Variants in MAP4K3 observed in about 807,000 individuals in gnomAD.
MAP4K3 encodes the protein MAPK/ERK kinase kinase kinase 3.
A neutral mutation model predicts 143.5 loss-of-function variants in MAP4K3; 94 were observed. That is an observed-to-expected ratio of 0.65 (90% CI 0.55 to 0.78). The LOEUF (loss-of-function observed/expected upper bound fraction) is 0.78. Among genes scored for constraint, MAP4K3 ranks in the 30% least tolerant of loss-of-function variants. The probability of loss-of-function intolerance (pLI) is 0.00; values close to 1 mark genes in which losing one functional copy is unlikely to be tolerated. For missense variants in MAP4K3, 1,077 were observed against 1,068.1 expected (o/e 1.01, Z -0.12); for synonymous variants, 416 against 347.2 (o/e 1.20, Z -2.20).
intron 1 of MAP4K3, among the ~76,000 whole-genome samples, chr2:39,428,483 G>C (rs535875354): frequency 2.6e-5 from 4 of 151,954 alleles, no homozygotes; most frequent in Non-Finnish European, 5.9e-5. Flanking sequence ...GACCAGCCTG[G>C]CCAACATGGC....
chr2:39,426,575 A>G (rs1665094063), intron 1 of MAP4K3, among the ~76,000 whole-genome samples: 1 of 152,112 alleles, frequency 6.6e-6, no homozygotes, highest in African/African-American at 2.4e-5. Flanking sequence ...GTTCAGAAAA[A>G]AAAAATATGT....
intron 28 of MAP4K3, among the ~76,000 whole-genome samples, chr2:39,262,914 A>C (rs928078872): frequency 6.6e-6 from 1 of 152,008 alleles, no homozygotes; most frequent in Non-Finnish European, 1.5e-5. Context: ...AGACCAGCCT[A>C]GCCAAGATGG....
chr2:39,373,562 G>C (rs562251049), intron 2 of MAP4K3, among the ~76,000 whole-genome samples: 9 of 152,122 alleles, frequency 5.9e-5, no homozygotes, highest in Non-Finnish European at 1.3e-4. Context: ...GATGAATGAA[G>C]AAAGAAATGT....
At chr2:39,395,386 C>A (rs1419811494) in intron 1 of MAP4K3, among the ~76,000 whole-genome samples, 1 of 151,824 alleles carries the variant, frequency 6.6e-6, no homozygotes, top group African/African-American at 2.4e-5. Flanking sequence ...TTTATTCAGG[C>A]TACACAGCAA....
chr2:39,287,416 G>A (rs547928930), intron 20 of MAP4K3, among the ~76,000 whole-genome samples: 4 of 151,620 alleles, frequency 2.6e-5, no homozygotes, highest in African/African-American at 7.2e-5. Flanking sequence ...TCCTGCCTTA[G>A]TCTCCCAAGT....
intron 1 of MAP4K3, among the ~76,000 whole-genome samples, chr2:39,405,687 T>C (rs1347145366): frequency 1.3e-5 from 2 of 151,998 alleles, no homozygotes; most frequent in Non-Finnish European, 1.5e-5. Flanking sequence ...GGGCAACGTG[T>C]TGAAATGCCG....
intron 24 of MAP4K3, among the ~76,000 whole-genome samples, chr2:39,273,019 G>C (rs1005308084): frequency 2.0e-5 from 3 of 151,868 alleles, no homozygotes; most frequent in African/African-American, 7.3e-5. Flanking sequence ...GGAAAAAAAA[G>C]GCTGAGATAG....
chr2:39,272,081 G>A, intron 26 of MAP4K3: 2 of 407,938 alleles, frequency 4.9e-6, no homozygotes, highest in Non-Finnish European at 4.3e-6. Context: ...GAGAGAAAAT[G>A]TCTGATATAA....
intron 2 of MAP4K3, among the ~76,000 whole-genome samples, chr2:39,368,625 C>T (rs993151973): frequency 1.3e-5 from 2 of 151,640 alleles, no homozygotes; most frequent in Non-Finnish European, 1.5e-5. Context: ...GCTATGATCA[C>T]ATCACTATAC....
chr2:39,376,078 T>C (rs538029223), intron 2 of MAP4K3, among the ~76,000 whole-genome samples: 121 of 152,362 alleles, frequency 7.9e-4, no homozygotes, highest in Non-Finnish European at 4.9e-4. Context: ...AAGAGTAGAA[T>C]TGCTGGGTCA....
chr2:39,399,544 C>T (rs548833149), intron 1 of MAP4K3, among the ~76,000 whole-genome samples: 1 of 152,316 alleles, frequency 6.6e-6, no homozygotes, highest in East Asian at 1.9e-4. Flanking sequence ...AGACAAAAGT[C>T]TACATGTAGC....
intron 1 of MAP4K3, among the ~76,000 whole-genome samples, chr2:39,401,885 T>C (rs1666963704): frequency 6.6e-6 from 1 of 152,062 alleles, no homozygotes; most frequent in Admixed American, 6.6e-5. Flanking sequence ...CTAACAGGAA[T>C]ACAAAAATAT....
intron 1 of MAP4K3, among the ~76,000 whole-genome samples, chr2:39,435,818 A>C (rs1665447847): frequency 6.6e-6 from 1 of 152,212 alleles, no homozygotes. Flanking sequence ...ACGATGGTGA[A>C]AAGTAGATCA....
At chr2:39,324,435 C>A (rs1043192038) in intron 12 of MAP4K3, among the ~76,000 whole-genome samples, 5 of 151,618 alleles carry the variant, frequency 3.3e-5, no homozygotes, top group African/African-American at 9.7e-5. Context: ...ACAAAAAAAA[C>A]TTCTTCAGAG....
chr2:39,356,658 T>G (rs1003947202), intron 2 of MAP4K3, among the ~76,000 whole-genome samples: 12 of 152,156 alleles, frequency 7.9e-5, no homozygotes, highest in African/African-American at 2.9e-4. Flanking sequence ...CCATCCTCAG[T>G]AAAATAATAA....
intron 2 of MAP4K3, among the ~76,000 whole-genome samples, chr2:39,374,285 C>G (rs1034097850): frequency 7.9e-5 from 12 of 152,096 alleles, no homozygotes; most frequent in African/African-American, 2.9e-4. Flanking sequence ...ATGAAGATTG[C>G]TTGAACCCGG....
At chr2:39,282,478 C>A in intron 22 of MAP4K3, 35 bp downstream of exon 22, 1 of 1,574,714 alleles carries the variant, frequency 6.4e-7, no homozygotes, top group East Asian at 2.3e-5. Context: ...AGTGACTTAG[C>A]TTGAAACTTA....
At chr2:39,332,022 T>C in intron 7 of MAP4K3, 33 bp from the exon 8 acceptor site, 1 of 1,250,222 alleles carries the variant, frequency 8.0e-7, no homozygotes, top group Non-Finnish European at 1.1e-6. Context: ...TTTAGGAAAC[T>C]GAGAGAAAAT....
chr2:39,424,323 G>C (rs574778117), intron 1 of MAP4K3, among the ~76,000 whole-genome samples: 5 of 152,200 alleles, frequency 3.3e-5, no homozygotes, highest in Non-Finnish European at 7.4e-5. Flanking sequence ...TCCACCAACA[G>C]GGGGGAGGGG....
Sources: allele counts gnomAD v4.1 joint callset (sites outside exome capture counted in the v4.1 genomes callset), GRCh38; gene constraint gnomAD v4.1.1; transcripts MANE v1.5; gene names NCBI Gene and HGNC (gene_info 2026-07-23, HGNC 2026-07-21).